Variants in INSR observed in about 807,000 individuals in gnomAD.
INSR encodes the protein insulin receptor.
A neutral mutation model predicts 142.6 loss-of-function variants in INSR; 67 were observed. The ratio of observed to expected loss-of-function variants is 0.47; its 90% CI spans 0.39 to 0.58. The LOEUF is 0.58. Among genes scored for constraint, INSR ranks in the 20% least tolerant of loss-of-function variants. The probability of loss-of-function intolerance (pLI) is 0.00; values close to 1 mark genes in which losing one functional copy is unlikely to be tolerated. For missense variants in INSR, 1,248 were observed against 1,833.2 expected (o/e 0.68, Z 5.83); for synonymous variants, 756 against 743.1 (o/e 1.02, Z -0.28).
chr19:7,233,765 C>T lies in INSR; in HGVS notation c.652+33580G>A, dbSNP rs560529165. On this transcript the variant is annotated intron_variant, in intron 2 of 21. Coordinates refer to ENST00000302850, the MANE Select transcript of INSR (RefSeq NM_000208.4). ...ATCTCCGCTCACTGCAAGCTCCGCCCCCTGGGTTCACGCCATTCTCCTGCC... is the reference window on the plus strand; with the variant it reads ...ATCTCCGCTCACTGCAAGCTCCGCCTCCTGGGTTCACGCCATTCTCCTGCC... 6.9e-4 allele frequency among the ~76,000 whole-genome samples: 104 copies of T among 150,514 alleles called. 1 individual carries two copies. Among genetic ancestry groups the T allele is most frequent in the African/African-American group, 2.4e-3 (97 of 40,938 alleles).
At chr19:7,202,260 T>G (rs1324850022) in intron 2 of INSR, among the ~76,000 whole-genome samples, 1 of 152,256 alleles carries the variant, frequency 6.6e-6, no homozygotes, top group Non-Finnish European at 1.5e-5. Context: ...TTGTCAGTTC[T>G]ATTTGTTTTC....
chr19:7,184,411 G>T lies in INSR; in HGVS notation c.879C>A (p.Cys293Ter), dbSNP rs756422716. 6.2e-7 allele frequency: 1 copy of T among 1,614,076 alleles called. No homozygotes were observed. The highest frequency in any genetic ancestry group is 1.1e-5 in the South Asian group (1 of 91,080). ...FSFCQDLHHKCKNSRRQGCHQ... is the reference protein window; with the variant it reads ...FSFCQDLHHK ...GGCAGCCCTGCCTCCGCGAGTTCTT[G>T]CATTTGTGGTGCAGGTCCTGGCAGA... Residue 293 changes from cysteine (C) to a stop codon, truncating the protein, a stop_gained, in exon 3 of 22, where the codon TGC becomes TGA. Transcript: ENST00000302850. LOFTEE classifies it high-confidence loss of function.
intron 2 of INSR, among the ~76,000 whole-genome samples, chr19:7,201,938 G>A (rs1974971432): frequency 6.6e-6 from 1 of 152,102 alleles, no homozygotes; most frequent in Admixed American, 6.5e-5. Flanking sequence ...TGGGATTACA[G>A]GCGTGAGCCA....
rs111953345 is a variant in INSR at position 7,249,796 on chromosome 19, T to C, written c.652+17549A>G. ...TCACGAGGTCAGGAGATCGAGACCA[T>C]CCTGGCTAACAGGGTGAAACCCCGT... On this transcript the variant is annotated intron_variant, in intron 2 of 21. Coordinates refer to ENST00000302850, the MANE Select transcript of INSR (RefSeq NM_000208.4). Among the ~76,000 whole-genome samples the C allele has an allele frequency of 6.1e-3, 930 of 152,138 alleles. 5 individuals carry two copies. The highest frequency in any genetic ancestry group is 0.014 in the African/African-American group (581 of 41,494).
chr19:7,191,829 TAAAAAGAAGAGAGAGA>T (rs61713886), intron 2 of INSR, among the ~76,000 whole-genome samples: 91,858 of 149,600 alleles, frequency 0.61, 28,219 homozygotes, highest in Admixed American at 0.64. Flanking sequence ...ACCCTATCTT[TAAAAAGAAGAGAGAGA>T]GAAAAGAAAG....
At chr19:7,242,566 C>T (rs1204971411) in intron 2 of INSR, among the ~76,000 whole-genome samples, 6 of 151,490 alleles carry the variant, frequency 4.0e-5, no homozygotes, top group South Asian at 2.1e-4. Flanking sequence ...GGTGAAACCC[C>T]GTCTCTACTA....
chr19:7,139,787 T>C lies in INSR; in HGVS notation c.2682+1890A>G, dbSNP rs1406110249. 2.0e-5 allele frequency among the ~76,000 whole-genome samples: 3 copies of C among 151,802 alleles called. No individual in the cohort carries two copies. The East Asian group carries it at 5.8e-4, about 29-fold the overall frequency. ...TGAAAGTTTACTTTTTCTGTGAAGC[T>C]GTGAAGGGCCACATATAGTCTCTGT... On this transcript the variant is annotated intron_variant, in intron 13 of 21. Transcript: ENST00000302850.
intron 9 of INSR, among the ~76,000 whole-genome samples, chr19:7,153,443 C>CAT (rs1366336669): frequency 0.041 from 5,532 of 133,694 alleles, no homozygotes; most frequent in East Asian, 0.085. Context: ...AAATCACACA[C>CAT]ACCACCACAC....
intron 4 of INSR, among the ~76,000 whole-genome samples, chr19:7,173,077 G>C (rs897976903): frequency 6.6e-6 from 1 of 152,086 alleles, no homozygotes; most frequent in African/African-American, 2.4e-5. Context: ...TGCCCGGCCT[G>C]CCAGGCTGAA....
chr19:7,294,128 A>G lies in INSR; in HGVS notation c.-237T>C. 4.7e-6 allele frequency: 1 copy of G among 211,070 alleles called. No individual in the cohort carries two copies. The highest frequency in any genetic ancestry group is 8.8e-6 in the Non-Finnish European group (1 of 113,888). 13.1% of individuals were successfully genotyped at this position (211,070 alleles called of 1,614,324 possible). A position where few individuals can be genotyped will look rare whatever the true frequency, so the allele number is the denominator to read the frequency against. On this transcript the variant is annotated 5_prime_UTR_variant, in exon 1 of 22. Coordinates refer to ENST00000302850, the MANE Select transcript of INSR (RefSeq NM_000208.4). Reference sequence around the variant, plus strand: ...GGAGGCCCTTGCGGTGGTGGCCCCGACCCCCCGGCCGCTGCGGCCCGGGCC... The same window carrying G: ...GGAGGCCCTTGCGGTGGTGGCCCCGGCCCCCCGGCCGCTGCGGCCCGGGCC...
At chr19:7,245,948 T>C (rs980683853) in intron 2 of INSR, among the ~76,000 whole-genome samples, 1 of 152,106 alleles carries the variant, frequency 6.6e-6, no homozygotes, top group Non-Finnish European at 1.5e-5. Flanking sequence ...GGGGAAGGAA[T>C]TGGTTATTCA....
At chr19:7,185,699 T>A (rs1340563105) in intron 2 of INSR, among the ~76,000 whole-genome samples, 1 of 149,766 alleles carries the variant, frequency 6.7e-6, no homozygotes, top group African/African-American at 2.5e-5. Context: ...AAAAATTAGC[T>A]AGGTGTGCTG....
At position 7,168,614 on chromosome 19, in the gene INSR, G is replaced by A. The variant is rs563734157; in HGVS notation, c.1484-520C>T. 1.2e-4 allele frequency among the ~76,000 whole-genome samples: 19 copies of A among 152,062 alleles called. No homozygotes were observed. Among genetic ancestry groups the A allele is most frequent in the South Asian group, 4.2e-4 (2 of 4,818 alleles). On this transcript the variant is annotated intron_variant, in intron 6 of 21. Transcript: ENST00000302850. The surrounding 1 kb of genome is among the most constrained non-coding windows in gnomAD (Gnocchi z 4.3). Reference sequence around the variant, plus strand: ...CTCTCCTAAACCTCACCCCAACCTCGCTCTCTCTCCTTGCACTACATTTTT... The same window carrying A: ...CTCTCCTAAACCTCACCCCAACCTCACTCTCTCTCCTTGCACTACATTTTT...
rs190320176 is a variant in INSR at position 7,124,313 on chromosome 19, G to A, written c.3258+970C>T. Among the ~76,000 whole-genome samples the A allele has an allele frequency of 5.0e-4, 74 of 147,602 alleles. No homozygotes were observed. The East Asian group carries it at 0.012, about 24-fold the overall frequency. The stretch of plus-strand genomic sequence containing the variant: ...GAATCCAGCAGGCAGAGGTTGCAGT[G>A]AGCTGAGATCATGCCACTGCACTCC... On this transcript the variant is annotated intron_variant, in intron 17 of 21. Transcript: ENST00000302850.
At chr19:7,259,119 T>TCCTTC (rs1976984912) in intron 2 of INSR, among the ~76,000 whole-genome samples, 1 of 92,140 alleles carries the variant, frequency 1.1e-5, no homozygotes, top group Non-Finnish European at 2.3e-5. Context: ...TTCCTTTCTT[T>TCCTTC]CCTTTTATTT....
rs957614461 is a variant in INSR, at chr19:7,150,329, C to T, written c.2267+168G>A. Reference sequence around the variant, plus strand: ...CCACATTCATGCCCAGATTTCATTTCAGAGTGAAGGCATTGGATTTCTGAA... The same window carrying T: ...CCACATTCATGCCCAGATTTCATTTTAGAGTGAAGGCATTGGATTTCTGAA... On this transcript the variant is annotated intron_variant, in intron 11 of 21. Transcript: ENST00000302850. The surrounding 1 kb of genome is among the most constrained non-coding windows in gnomAD (Gnocchi z 4.2). Among the ~76,000 whole-genome samples, 4 of 152,232 alleles carry T rather than the reference C, an allele frequency of 2.6e-5. No homozygotes were observed. Among genetic ancestry groups the T allele is most frequent in the Non-Finnish European group, 4.4e-5 (3 of 68,042 alleles).
At chr19:7,260,799 GA>G (rs763899634) in intron 2 of INSR, among the ~76,000 whole-genome samples, 49 of 151,790 alleles carry the variant, frequency 3.2e-4, no homozygotes, top group Non-Finnish European at 1.6e-4. Flanking sequence ...TTCAGATGGA[GA>G]AACTGAGGCT....
chr19:7,149,786 C>T (rs1308820329), intron 11 of INSR, among the ~76,000 whole-genome samples: 3 of 149,796 alleles, frequency 2.0e-5, no homozygotes, highest in African/African-American at 7.4e-5. Flanking sequence ...CGCACCACTG[C>T]ACTCTAGCCT....
At chr19:7,250,909 A>G (rs926176593) in intron 2 of INSR, among the ~76,000 whole-genome samples, 6 of 151,358 alleles carry the variant, frequency 4.0e-5, no homozygotes, top group Non-Finnish European at 8.8e-5. Context: ...ACGATCAGCA[A>G]CACTCAGACT....
Sources: gnomAD v4.1 joint callset for allele counts (sites outside exome capture counted in the v4.1 genomes callset) on GRCh38, gnomAD v4.1.1 for gene constraint, Gnocchi (gnomAD v3.1) non-coding constraint, MANE v1.5 for transcripts, NCBI Gene and HGNC (gene_info 2026-07-23, HGNC 2026-07-21) for gene names.